RPRD1A: variants seen among roughly 807,000 people sequenced by gnomAD.
RPRD1A encodes the protein regulation of nuclear pre-mRNA domain-containing protein 1A.
In RPRD1A, 9 loss-of-function variants were observed where a neutral mutation model predicts 37.8. That is an observed-to-expected ratio of 0.24 (90% confidence interval 0.14 to 0.42). RPRD1A has a LOEUF of 0.42. Ranked by LOEUF, RPRD1A falls within the 10% of genes least tolerant of loss-of-function variation. The probability of loss-of-function intolerance (pLI) is 1.00; values close to 1 mark genes in which losing one functional copy is unlikely to be tolerated. For synonymous variants in RPRD1A, 138 were observed against 139.7 expected, an observed-to-expected ratio of 0.99 and a Z score of 0.08; for missense variants, 255 against 371.0, an observed-to-expected ratio of 0.69 and a Z score of 2.57.
chr18:36,046,670 GA>G lies in RPRD1A; in HGVS notation c.152-12834del, dbSNP rs1196382449. ...AACATGGTGAAACCCCGTCTTCACA[GA>G]AAAAAAAAAACAAAATCAGCCAGGC... On this transcript the variant is annotated intron_variant, in intron 1 of 6. Coordinates refer to ENST00000399022, the MANE Select transcript of RPRD1A (RefSeq NM_018170.5). Among the ~76,000 whole-genome samples the G allele has an allele frequency of 3.6e-3, 521 of 143,004 alleles. 1 individual carries two copies. Among genetic ancestry groups the G allele is most frequent in the African/African-American group, 0.013 (501 of 39,076 alleles). 93.8% of individuals were successfully genotyped at this position (143,004 alleles called of 152,430 possible).
intron 1 of RPRD1A, among the ~76,000 whole-genome samples, chr18:36,037,280 G>GA (rs35406359): frequency 0.23 from 35,084 of 152,068 alleles, 4,080 homozygotes; most frequent in East Asian, 0.25. Flanking sequence ...GGAGATAACT[G>GA]ATCATGGGGG....
At chr18:36,032,785 C>A (rs1347554881) in intron 2 of RPRD1A, among the ~76,000 whole-genome samples, 2 of 152,018 alleles carry the variant, frequency 1.3e-5, no homozygotes, top group African/African-American at 4.8e-5. Context: ...ATAAAACCTA[C>A]AGGAGGGACA....
At chr18:36,054,833 T>C (rs921398183) in intron 1 of RPRD1A, among the ~76,000 whole-genome samples, 1 of 151,380 alleles carries the variant, frequency 6.6e-6, no homozygotes, top group Non-Finnish European at 1.5e-5. Context: ...TACTTCAGTT[T>C]GAGTCCAAAG....
chr18:36,002,908 CTCTT>C (rs1171154765), intron 6 of RPRD1A, among the ~76,000 whole-genome samples: 2 of 152,178 alleles, frequency 1.3e-5, no homozygotes, highest in Admixed American at 1.3e-4. Context: ...GACTGACTCA[CTCTT>C]TATTAAATAG....
intron 1 of RPRD1A, among the ~76,000 whole-genome samples, chr18:36,051,760 A>G (rs1310205657): frequency 6.6e-6 from 1 of 152,222 alleles, no homozygotes; most frequent in Non-Finnish European, 1.5e-5. Flanking sequence ...AAGCAGGGAA[A>G]ATTACTGAAT....
Position 36,013,637 on chromosome 18 carries a change from G to C in RPRD1A, c.789+13263C>G, listed in dbSNP as rs140005288. Among the ~76,000 whole-genome samples, 445 of 152,276 alleles carry C rather than the reference G, an allele frequency of 2.9e-3. 4 individuals are homozygous for C. Among genetic ancestry groups the C allele is most frequent in the African/African-American group, 1.0e-2 (415 of 41,562 alleles). ...TGAACAGGAAGGAGAGCCACTCTCA[G>C]ACATGCAAAGACCTGCGCCATTTTT... On this transcript the variant is annotated intron_variant, in intron 6 of 6. Coordinates refer to ENST00000399022, the MANE Select transcript of RPRD1A (RefSeq NM_018170.5).
rs535135175 is a variant in RPRD1A at position 36,054,854 on chromosome 18, A to G, written c.151+12400T>C. On this transcript the variant is annotated intron_variant, in intron 1 of 6. Coordinates refer to ENST00000399022, the MANE Select transcript of RPRD1A (RefSeq NM_018170.5). ...AGTTTGAGTCCAAAGGCAGGAGAAA[A>G]AAAGAAAGAAAAAAAAAAAGTCCCA... 2.3e-4 allele frequency among the ~76,000 whole-genome samples: 34 copies of G among 146,956 alleles called. No homozygotes were observed. In the South Asian group the frequency reaches 4.6e-3, roughly 20 times the overall value.
intron 6 of RPRD1A, among the ~76,000 whole-genome samples, chr18:35,995,814 G>A (rs2144138533): frequency 6.6e-6 from 1 of 152,284 alleles, no homozygotes; most frequent in Non-Finnish European, 1.5e-5. Context: ...CTATCACTCA[G>A]GTTGACAGTA....
intron 1 of RPRD1A, chr18:36,063,902 C>A (rs1177733923): frequency 6.6e-6 from 1 of 152,256 alleles, no homozygotes; most frequent in Non-Finnish European, 1.5e-5. Context: ...TCAACACTAT[C>A]ATCACTACCA....
intron 6 of RPRD1A, chr18:36,025,163 G>A (rs997019654): frequency 1.3e-5 from 2 of 152,706 alleles, no homozygotes; most frequent in Non-Finnish European, 2.9e-5. Context: ...TTGATGAAGT[G>A]CACTGGCTCT....
At position 36,067,523 on chromosome 18, in the gene RPRD1A, G is replaced by C. The variant is rs113006943; in HGVS notation, c.-119C>G. The C allele has an allele frequency of 3.6e-6, 4 of 1,101,390 alleles. No individual in the cohort carries two copies. The highest frequency in any genetic ancestry group is 1.6e-5 in the African/African-American group (1 of 62,362). The allele number at this position is 1,101,390 out of a possible 1,614,324, so 68.2% of individuals were successfully genotyped here. On this transcript the variant is annotated 5_prime_UTR_variant, in exon 1 of 7. Coordinates refer to ENST00000399022, the MANE Select transcript of RPRD1A (RefSeq NM_018170.5). ...CCTTCCCCACGCTCTCACCACGGCC[G>C]CCGCTTCATCCAAGACCGGCCGCAA... is the stretch of plus-strand genomic sequence containing the variant.
chr18:36,015,853 T>C (rs1910528169), intron 6 of RPRD1A, among the ~76,000 whole-genome samples: 1 of 152,198 alleles, frequency 6.6e-6, no homozygotes, highest in South Asian at 2.1e-4. Context: ...GAGTTTCAGT[T>C]CTGCAATATG....
At chr18:36,015,131 TACACACACACAC>T (rs201284977) in intron 6 of RPRD1A, among the ~76,000 whole-genome samples, 6 of 122,892 alleles carry the variant, frequency 4.9e-5, no homozygotes, top group East Asian at 5.3e-4. Flanking sequence ...GGGTCTCACA[TACACACACACAC>T]ACACACACAC....
intron 6 of RPRD1A, among the ~76,000 whole-genome samples, chr18:36,003,462 TA>T (rs1447450309): frequency 4.6e-5 from 7 of 152,216 alleles, no homozygotes; most frequent in African/African-American, 1.7e-4. Context: ...AAGAAAGGTA[TA>T]AAGAAATAAA....
In RPRD1A at chr18:36,067,468, C is replaced by T; in HGVS notation, c.-64G>A. 1 of 1,516,778 alleles carries T rather than the reference C, an allele frequency of 6.6e-7. No homozygotes were observed. The highest frequency in any genetic ancestry group is 8.9e-7 in the Non-Finnish European group (1 of 1,119,626). The allele number at this position is 1,516,778 out of a possible 1,614,324, so 94.0% of individuals were successfully genotyped here. On this transcript the variant is annotated 5_prime_UTR_variant, in exon 1 of 7. Coordinates refer to ENST00000399022, the MANE Select transcript of RPRD1A (RefSeq NM_018170.5). ...GCCGAGGGGAGGAGAGTTTCGCCGCCCTAGCTGCGGCCTCGCCCCCTCACC... is the reference window on the plus strand; with the variant it reads ...GCCGAGGGGAGGAGAGTTTCGCCGCTCTAGCTGCGGCCTCGCCCCCTCACC...
chr18:36,011,238 C>T (rs1318815551), intron 6 of RPRD1A, among the ~76,000 whole-genome samples: 3 of 152,066 alleles, frequency 2.0e-5, no homozygotes, highest in Admixed American at 2.0e-4. Context: ...GAAACAGAGG[C>T]CAAATGTGTT....
chr18:36,022,895 G>A lies in RPRD1A; in HGVS notation c.789+4005C>T, dbSNP rs556082327. On this transcript the variant is annotated intron_variant, in intron 6 of 6. Coordinates refer to ENST00000399022, the MANE Select transcript of RPRD1A (RefSeq NM_018170.5). ...GAAGATAACTTGTACTCATGAGTTC[G>A]AGGTTACAGTGAGCTGTGATTGCAT... 6.6e-5 allele frequency among the ~76,000 whole-genome samples: 10 copies of A among 152,318 alleles called. No homozygotes were observed. The East Asian group carries it at 9.6e-4, about 15-fold the overall frequency.
chr18:36,031,239 A>G, intron 2 of RPRD1A, 142 bp from the exon 3 acceptor site: 2 of 1,048,832 alleles, frequency 1.9e-6, no homozygotes, highest in Non-Finnish European at 2.6e-6. Context: ...TAGCATCACT[A>G]TGTGGCCAGC....
At chr18:36,021,500 T>A (rs755669214) in intron 6 of RPRD1A, among the ~76,000 whole-genome samples, 7 of 152,322 alleles carry the variant, frequency 4.6e-5, no homozygotes, top group Admixed American at 2.6e-4. Flanking sequence ...AACATTGGAA[T>A]TGGGCCAATT....
Sources: gnomAD v4.1 joint callset for allele counts (sites outside exome capture counted in the v4.1 genomes callset) on GRCh38, gnomAD v4.1.1 for gene constraint, MANE v1.5 for transcripts, NCBI Gene and HGNC (gene_info 2026-07-23, HGNC 2026-07-21) for gene names.